The following TMEM132B variants were observed in gnomAD, a reference collection of about 807,000 sequenced individuals.
The protein encoded by TMEM132B is transmembrane protein 132B.
A neutral mutation model predicts 90.8 loss-of-function variants in TMEM132B; 18 were observed. The ratio of observed to expected loss-of-function variants is 0.20; its 90% CI spans 0.14 to 0.29. The LOEUF is 0.29. TMEM132B is among the 10% of genes least tolerant of loss of function. The pLI is 1.00. For synonymous variants in TMEM132B, 504 were observed against 523.3 expected (o/e 0.96, Z 0.50); for missense variants, 1,096 against 1,326.8 (o/e 0.83, Z 2.70).
chr12:125,507,158 T>G (rs1882867449), intron 3 of TMEM132B, among the ~76,000 whole-genome samples: 1 of 152,186 alleles, frequency 6.6e-6, no homozygotes, highest in African/African-American at 2.4e-5. Context: ...GACACAAGGA[T>G]GAAAACATGA....
intron 5 of TMEM132B, among the ~76,000 whole-genome samples, chr12:125,616,944 A>G (rs1886002632): frequency 6.6e-6 from 1 of 152,216 alleles, no homozygotes; most frequent in African/African-American, 2.4e-5. Context: ...GCTGTCTACA[A>G]GCCAGAAAGT....
At position 125,225,829 on chromosome 12, in the gene TMEM132B, T is replaced by G. The variant is rs962716005; in HGVS notation, c.67+38963T>G. 3.3e-5 allele frequency among the ~76,000 whole-genome samples: 5 copies of G among 152,274 alleles called. No homozygotes were observed. The East Asian group carries it at 9.6e-4, about 29-fold the overall frequency. On this transcript the variant is annotated intron_variant, in intron 1 of 8. Coordinates refer to ENST00000682704, the MANE Select transcript of TMEM132B (RefSeq NM_001366854.1). ...CTCCTTCTTACTTGCGTTCCATTAA[T>G]TCAGGCTCAGTCACATGACCACTCC...
chr12:125,565,438 C>T (rs1392438703), intron 4 of TMEM132B, among the ~76,000 whole-genome samples: 1 of 152,336 alleles, frequency 6.6e-6, no homozygotes, highest in African/African-American at 2.4e-5. Flanking sequence ...CTACAGTGTG[C>T]TCTTTAGCCT....
chr12:125,435,676 AAAGTGTCAGG>A (rs796474501), intron 3 of TMEM132B, among the ~76,000 whole-genome samples: 35 of 152,336 alleles, frequency 2.3e-4, no homozygotes, highest in African/African-American at 7.9e-4. Flanking sequence ...CAGATGGAAG[AAAGTGTCAGG>A]GAGAAAAATA....
chr12:125,265,213 T>C (rs1257541881), intron 1 of TMEM132B, among the ~76,000 whole-genome samples: 1 of 152,240 alleles, frequency 6.6e-6, no homozygotes, highest in Non-Finnish European at 1.5e-5. Flanking sequence ...CATGACTGTA[T>C]GTAGATATAG....
intron 4 of TMEM132B, among the ~76,000 whole-genome samples, chr12:125,573,787 T>C (rs1031059419): frequency 3.9e-5 from 6 of 152,166 alleles, no homozygotes; most frequent in Admixed American, 1.3e-4. Context: ...CTGTGTTTCA[T>C]TGGCAAATTC....
chr12:125,480,020 A>G (rs895446843), intron 3 of TMEM132B, among the ~76,000 whole-genome samples: 2 of 152,240 alleles, frequency 1.3e-5, no homozygotes, highest in African/African-American at 4.8e-5. Flanking sequence ...TGGGTAAATA[A>G]TGAAATGAAG....
intron 5 of TMEM132B, among the ~76,000 whole-genome samples, chr12:125,616,697 A>G (rs904303832): frequency 3.3e-5 from 5 of 152,200 alleles, no homozygotes; most frequent in Non-Finnish European, 7.3e-5. Context: ...TTCAGTGGGT[A>G]ACACTTTTCT....
At chr12:125,222,994 G>T (rs1374191472) in intron 1 of TMEM132B, among the ~76,000 whole-genome samples, 1 of 152,228 alleles carries the variant, frequency 6.6e-6, no homozygotes, top group Non-Finnish European at 1.5e-5. Context: ...TGTAAATTCA[G>T]TGCAGATCAT....
At chr12:125,233,773 T>G (rs1471769483) in intron 1 of TMEM132B, among the ~76,000 whole-genome samples, 2 of 152,200 alleles carry the variant, frequency 1.3e-5, no homozygotes, top group Admixed American at 6.5e-5. Flanking sequence ...ATGCAGAGCT[T>G]CTCAGCCACT....
At chr12:125,613,962 T>C (rs1885924590) in intron 5 of TMEM132B, among the ~76,000 whole-genome samples, 1 of 152,126 alleles carries the variant, frequency 6.6e-6, no homozygotes. Flanking sequence ...TTTTTGCTGT[T>C]ATTGTTAAAT....
intron 1 of TMEM132B, among the ~76,000 whole-genome samples, chr12:125,310,493 G>C (rs1260882668): frequency 6.6e-6 from 1 of 152,154 alleles, no homozygotes; most frequent in Non-Finnish European, 1.5e-5. Context: ...TAAGCTCCAG[G>C]GTTCACACAG....
intron 3 of TMEM132B, among the ~76,000 whole-genome samples, chr12:125,435,831 C>T (rs373501822): frequency 1.3e-5 from 2 of 151,880 alleles, no homozygotes; most frequent in East Asian, 1.9e-4. Flanking sequence ...CAAGTGGACT[C>T]CCCGGGGCAG....
intron 1 of TMEM132B, among the ~76,000 whole-genome samples, chr12:125,307,443 C>T (rs1565998106): frequency 6.6e-6 from 1 of 152,100 alleles, no homozygotes; most frequent in Non-Finnish European, 1.5e-5. Flanking sequence ...GGGATCCTTC[C>T]TGTAAAATAG....
intron 3 of TMEM132B, among the ~76,000 whole-genome samples, chr12:125,503,089 A>T (rs1426178561): frequency 6.6e-6 from 1 of 152,192 alleles, no homozygotes; most frequent in Non-Finnish European, 1.5e-5. Context: ...CATCAGTGAG[A>T]GCAGACGAAT....
chr12:125,477,226 T>G lies in TMEM132B; in HGVS notation c.1107-42213T>G, dbSNP rs74872853. Among the ~76,000 whole-genome samples the G allele has an allele frequency of 3.7e-3, 565 of 152,312 alleles. 5 individuals are homozygous for G. Among genetic ancestry groups the G allele is most frequent in the African/African-American group, 0.013 (540 of 41,566 alleles). ...TGAATATATATATATATTCCCTTTT[T>G]TAAGAGTACAATATATTTTACTTTC... On this transcript the variant is annotated intron_variant, in intron 3 of 8. Transcript: ENST00000682704.
intron 1 of TMEM132B, among the ~76,000 whole-genome samples, chr12:125,227,483 T>C (rs1418351730): frequency 6.6e-6 from 1 of 152,104 alleles, no homozygotes; most frequent in East Asian, 1.9e-4. Flanking sequence ...GACTGTGCTC[T>C]GTGGGCTCTT....
chr12:125,317,206 G>A (rs1876305483), intron 1 of TMEM132B, among the ~76,000 whole-genome samples: 1 of 152,088 alleles, frequency 6.6e-6, no homozygotes, highest in South Asian at 2.1e-4. Context: ...GGAGCTGATT[G>A]TAGTACCTGG....
chr12:125,282,945 G>A (rs2136133756), intron 1 of TMEM132B, among the ~76,000 whole-genome samples: 1 of 152,282 alleles, frequency 6.6e-6, no homozygotes, highest in South Asian at 2.1e-4. Context: ...GGCCCTCCAA[G>A]TGTTTGTTGG....
Sources: gnomAD v4.1 joint callset for allele counts (sites outside exome capture counted in the v4.1 genomes callset) on GRCh38, gnomAD v4.1.1 for gene constraint, MANE v1.5 for transcripts, NCBI Gene and HGNC (gene_info 2026-07-23, HGNC 2026-07-21) for gene names.